The following GPHN variants were observed in gnomAD, a reference collection of about 807,000 sequenced individuals.
GPHN encodes the protein gephyrin.
GPHN carries 17 observed loss-of-function variants against 95.5 expected under a neutral mutation model. The observed-to-expected ratio is 0.18, with a 90% CI of 0.12 to 0.27. The LOEUF is 0.27. Among genes scored for constraint, GPHN ranks in the 10% least tolerant of loss-of-function variants. The pLI is 1.00. For synonymous variants in GPHN, 320 were observed against 322.5 expected, an observed-to-expected ratio of 0.99 and a Z score of 0.08; for missense variants, 660 against 978.1, an observed-to-expected ratio of 0.67 and a Z score of 4.34.
intron 1 of GPHN, among the ~76,000 whole-genome samples, chr14:66,680,402 G>T (rs2066870724): frequency 6.6e-6 from 1 of 152,166 alleles, no homozygotes; most frequent in Non-Finnish European, 1.5e-5. Flanking sequence ...CAACATTACA[G>T]GGATTATTAT....
chr14:67,700,383 T>C, the GPHN span, among the ~76,000 whole-genome samples: 2 of 152,036 alleles, frequency 1.3e-5, no homozygotes, highest in Non-Finnish European at 2.9e-5. Flanking sequence ...AAGATAAACA[T>C]TTTAGCATCA....
intron 17 of GPHN, among the ~76,000 whole-genome samples, chr14:67,125,477 C>T (rs1162265577): frequency 1.3e-5 from 2 of 152,242 alleles, no homozygotes; most frequent in East Asian, 1.9e-4. Context: ...AGAGAAATAG[C>T]TCAAGAATGT....
At chr14:67,127,674 C>G (rs778671073) in intron 17 of GPHN, among the ~76,000 whole-genome samples, 1 of 152,204 alleles carries the variant, frequency 6.6e-6, no homozygotes, top group Non-Finnish European at 1.5e-5. Context: ...AGTCATGCGT[C>G]TGCTATGAAT....
the GPHN span, among the ~76,000 whole-genome samples, chr14:67,535,944 A>C: frequency 1.6e-4 from 25 of 152,316 alleles, no homozygotes; most frequent in Admixed American, 2.6e-4. Flanking sequence ...ACTGCCCTCA[A>C]TTTCAGAATG....
the GPHN span, chr14:67,593,902 A>G: frequency 2.5e-6 from 4 of 1,613,546 alleles, no homozygotes; most frequent in Non-Finnish European, 2.5e-6. Flanking sequence ...GGAGATAACC[A>G]AGCAGACCTA....
At chr14:66,849,650 G>A (rs529369167) in intron 4 of GPHN, among the ~76,000 whole-genome samples, 2 of 152,038 alleles carry the variant, frequency 1.3e-5, no homozygotes, top group South Asian at 2.1e-4. Context: ...TTGGCATATT[G>A]TAGAGTAATT....
the GPHN span, among the ~76,000 whole-genome samples, chr14:67,463,432 G>C: frequency 6.6e-6 from 1 of 152,158 alleles, no homozygotes; most frequent in Non-Finnish European, 1.5e-5. Flanking sequence ...AAGGTCAGGA[G>C]ATCGAGACCA....
chr14:67,128,761 G>T (rs967506614), intron 17 of GPHN, among the ~76,000 whole-genome samples: 3 of 151,668 alleles, frequency 2.0e-5, no homozygotes, highest in Non-Finnish European at 4.4e-5. Context: ...ATGGTGAAAC[G>T]CTGTCTCTAC....
intron 1 of GPHN, among the ~76,000 whole-genome samples, chr14:66,510,928 A>C (rs977926788): frequency 1.3e-5 from 2 of 152,174 alleles, no homozygotes; most frequent in Non-Finnish European, 2.9e-5. Context: ...TAGGGGGAAA[A>C]GTCTAGGGCC....
At chr14:66,984,530 C>T (rs771594003) in intron 9 of GPHN, among the ~76,000 whole-genome samples, 8 of 152,220 alleles carry the variant, frequency 5.3e-5, no homozygotes, top group Non-Finnish European at 8.8e-5. Context: ...TTATTCAAAA[C>T]GAAAATTCCA....
chr14:67,628,840 T>C, the GPHN span, among the ~76,000 whole-genome samples: 23 of 152,298 alleles, frequency 1.5e-4, no homozygotes, highest in East Asian at 4.4e-3. Flanking sequence ...AAATTAAAAA[T>C]AGAATTACTA....
the GPHN span, among the ~76,000 whole-genome samples, chr14:67,273,758 G>A: frequency 2.6e-5 from 4 of 152,110 alleles, no homozygotes; most frequent in Non-Finnish European, 4.4e-5. Flanking sequence ...AAGTGTTCCT[G>A]TTTCTCCACA....
intron 5 of GPHN, among the ~76,000 whole-genome samples, chr14:66,883,309 T>C (rs2064021146): frequency 6.6e-6 from 1 of 151,992 alleles, no homozygotes; most frequent in Non-Finnish European, 1.5e-5. Context: ...TGAGAATATC[T>C]AGTGGTTTTT....
intron 20 of GPHN, 51 bp downstream of exon 20, chr14:67,165,277 T>C: frequency 8.0e-7 from 1 of 1,255,630 alleles, no homozygotes; most frequent in Non-Finnish European, 1.2e-6. Flanking sequence ...ATAGCCAAAA[T>C]TTTTTGGACT....
chr14:67,023,675 A>AGTAAGTATTTTACCATTTCTG lies in GPHN; in HGVS notation c.1006+3_1006+23dup, dbSNP rs2073779575. On this transcript the variant is annotated inframe_insertion and splice_region_variant. Coordinates refer to ENST00000478722, the MANE Select transcript of GPHN (RefSeq NM_020806.5). The stretch of plus-strand genomic sequence containing the variant: ...CAGCAAGGAGAACATTCTCAGAGCC[A>AGTAAGTATTTTACCATTTCTG]GTAAGTATTTTACCATTTCTGGTGG... 1 of 1,612,086 alleles carries AGTAAGTATTTTACCATTTCTG rather than the reference A, an allele frequency of 6.2e-7. No homozygotes were observed. The highest frequency in any genetic ancestry group is 8.5e-7 in the Non-Finnish European group (1 of 1,178,310).
the GPHN span, among the ~76,000 whole-genome samples, chr14:67,205,413 A>G: frequency 2.6e-4 from 39 of 152,342 alleles, no homozygotes; most frequent in African/African-American, 7.7e-4. Flanking sequence ...CCCAAGTCAC[A>G]GAATCCACAT....
the GPHN span, among the ~76,000 whole-genome samples, chr14:67,431,416 A>AC: frequency 6.7e-6 from 1 of 150,074 alleles, no homozygotes; most frequent in Non-Finnish European, 1.5e-5. Context: ...AAAAAAAAAA[A>AC]AAAAACGGTT....
At chr14:66,962,342 T>G (rs2069011648) in intron 8 of GPHN, among the ~76,000 whole-genome samples, 2 of 151,716 alleles carry the variant, frequency 1.3e-5, no homozygotes, top group African/African-American at 4.8e-5. Flanking sequence ...TTTTTGTTTT[T>G]TTTTTTAAGA....
intron 1 of GPHN, among the ~76,000 whole-genome samples, chr14:66,659,165 T>G (rs909547501): frequency 1.3e-5 from 2 of 152,016 alleles, no homozygotes; most frequent in Admixed American, 1.3e-4. Context: ...ACAGAGTGTG[T>G]GTGTGTGTTT....
Sources: allele counts gnomAD v4.1 joint callset (sites outside exome capture counted in the v4.1 genomes callset), GRCh38; gene constraint gnomAD v4.1.1; transcripts MANE v1.5; gene names NCBI Gene and HGNC (gene_info 2026-07-23, HGNC 2026-07-21).